The following GPC6 variants were observed in gnomAD, a reference collection of about 807,000 sequenced individuals.
GPC6 encodes glypican-6.
In GPC6, 14 loss-of-function variants were observed where a neutral mutation model predicts 55.2. That is an observed-to-expected ratio of 0.25 (90% confidence interval 0.17 to 0.40). The LOEUF (loss-of-function observed/expected upper bound fraction) is 0.40. GPC6 is among the 10% of genes least tolerant of loss of function. The pLI is 1.00. For synonymous variants in GPC6, 278 were observed against 259.6 expected (o/e 1.07, Z -0.68); for missense variants, 641 against 708.5 (o/e 0.90, Z 1.08).
intron 3 of GPC6, among the ~76,000 whole-genome samples, chr13:93,917,953 C>A (rs945099665): frequency 2.6e-5 from 4 of 152,064 alleles, no homozygotes; most frequent in Non-Finnish European, 4.4e-5. Flanking sequence ...AAAAATTAGC[C>A]AGGTGTGGTG....
intron 6 of GPC6, among the ~76,000 whole-genome samples, chr13:94,359,112 A>T (rs1027201911): frequency 1.3e-5 from 2 of 152,194 alleles, no homozygotes; most frequent in Non-Finnish European, 2.9e-5. Context: ...ACTTTCAGTT[A>T]TCTTTGGAAA....
chr13:93,617,776 A>C (rs910020462), intron 2 of GPC6, among the ~76,000 whole-genome samples: 4 of 152,150 alleles, frequency 2.6e-5, no homozygotes, highest in African/African-American at 9.7e-5. Context: ...AAATCATAAG[A>C]GAATACTCTA....
At chr13:93,488,993 T>C (rs550130358) in intron 1 of GPC6, among the ~76,000 whole-genome samples, 79 of 151,974 alleles carry the variant, frequency 5.2e-4, no homozygotes, top group South Asian at 4.2e-3. Context: ...CATTTGTCAA[T>C]TTTGGCTTTT....
chr13:93,360,792 C>T (rs1208507132), intron 1 of GPC6, among the ~76,000 whole-genome samples: 2 of 151,986 alleles, frequency 1.3e-5, no homozygotes, highest in African/African-American at 4.8e-5. Context: ...TCAATAGGTT[C>T]ACAGTTCAAC....
intron 3 of GPC6, among the ~76,000 whole-genome samples, chr13:93,927,016 T>G (rs1229462696): frequency 6.6e-6 from 1 of 152,198 alleles, no homozygotes; most frequent in Non-Finnish European, 1.5e-5. Flanking sequence ...TTACTGTATA[T>G]TCAGCTGAGG....
chr13:93,817,664 G>T (rs1189031608), intron 2 of GPC6, among the ~76,000 whole-genome samples: 1 of 152,046 alleles, frequency 6.6e-6, no homozygotes, highest in Non-Finnish European at 1.5e-5. Context: ...TTCCAGATCA[G>T]CCTGGGCAAC....
At chr13:94,304,556 A>G (rs750853111) in intron 5 of GPC6, among the ~76,000 whole-genome samples, 17 of 152,372 alleles carry the variant, frequency 1.1e-4, no homozygotes, top group Middle Eastern at 6.8e-3. Flanking sequence ...AAAAATATCT[A>G]GAAAAATCAT....
intron 4 of GPC6, among the ~76,000 whole-genome samples, chr13:94,193,062 C>CGTGT (rs66612458): frequency 0.016 from 2,325 of 148,690 alleles, 45 homozygotes; most frequent in African/African-American, 0.05. Context: ...TGAGACTCCT[C>CGTGT]GTGTGTGTGT....
At chr13:93,379,791 T>G (rs894862478) in intron 1 of GPC6, among the ~76,000 whole-genome samples, 1 of 152,134 alleles carries the variant, frequency 6.6e-6, no homozygotes, top group South Asian at 2.1e-4. Flanking sequence ...ATATGTAACT[T>G]TTATTAATCC....
chr13:94,299,610 G>A (rs1464507844), intron 5 of GPC6, among the ~76,000 whole-genome samples: 4 of 152,156 alleles, frequency 2.6e-5, no homozygotes, highest in South Asian at 2.1e-4. Flanking sequence ...AGCCATATTC[G>A]GACACAGCAA....
At chr13:93,873,749 C>G (rs1424745209) in intron 3 of GPC6, among the ~76,000 whole-genome samples, 1 of 151,970 alleles carries the variant, frequency 6.6e-6, no homozygotes, top group Non-Finnish European at 1.5e-5. Context: ...GAAGACTTTT[C>G]AGATTTCAAC....
intron 3 of GPC6, among the ~76,000 whole-genome samples, chr13:94,016,404 G>T (rs1882466970): frequency 6.6e-6 from 1 of 152,106 alleles, no homozygotes; most frequent in Admixed American, 6.6e-5. Flanking sequence ...TTGAAGCATT[G>T]TTTTCAATGT....
At chr13:94,260,570 A>G (rs1891627871) in intron 4 of GPC6, among the ~76,000 whole-genome samples, 1 of 152,268 alleles carries the variant, frequency 6.6e-6, no homozygotes, top group Non-Finnish European at 1.5e-5. Flanking sequence ...ATTAGGGCCC[A>G]TCCATATGAC....
chr13:93,484,952 A>T (rs974996135), intron 1 of GPC6, among the ~76,000 whole-genome samples: 1 of 152,216 alleles, frequency 6.6e-6, no homozygotes, highest in Non-Finnish European at 1.5e-5. Context: ...TAAAATATAC[A>T]TACAGCATAT....
chr13:94,210,892 T>G (rs1338275344), intron 4 of GPC6, among the ~76,000 whole-genome samples: 3 of 152,222 alleles, frequency 2.0e-5, no homozygotes, highest in African/African-American at 2.4e-5. Flanking sequence ...TAATACTGTT[T>G]TATTCATTGA....
chr13:93,880,530 C>G (rs145376163), intron 3 of GPC6, among the ~76,000 whole-genome samples: 51 of 152,054 alleles, frequency 3.4e-4, no homozygotes, highest in Middle Eastern at 3.4e-3. Flanking sequence ...CACATGGACA[C>G]AGGAAGGGGA....
intron 4 of GPC6, among the ~76,000 whole-genome samples, chr13:94,274,306 C>G (rs1892135453): frequency 6.6e-6 from 1 of 152,198 alleles, no homozygotes; most frequent in Non-Finnish European, 1.5e-5. Context: ...CTCTCCTCCT[C>G]TTCCTGGATT....
chr13:94,394,454 G>A (rs572787357), intron 7 of GPC6, among the ~76,000 whole-genome samples: 51 of 152,274 alleles, frequency 3.3e-4, no homozygotes, highest in South Asian at 1.7e-3. Context: ...AAAACAGGAT[G>A]CTGTCATGTC....
intron 1 of GPC6, among the ~76,000 whole-genome samples, chr13:93,450,262 T>C (rs1017615325): frequency 6.6e-6 from 1 of 152,206 alleles, no homozygotes; most frequent in Non-Finnish European, 1.5e-5. Context: ...AAGTTAACAA[T>C]TCCAGGGAGG....
Sources: gnomAD v4.1 joint callset for allele counts (sites outside exome capture counted in the v4.1 genomes callset) on GRCh38, gnomAD v4.1.1 for gene constraint, MANE v1.5 for transcripts, NCBI Gene and HGNC (gene_info 2026-07-23, HGNC 2026-07-21) for gene names.